The following TBC1D22A variants were observed in gnomAD, a reference collection of about 807,000 sequenced individuals.
TBC1D22A encodes the protein putative GTPase activator.
In TBC1D22A, 38 loss-of-function variants were observed where a neutral mutation model predicts 60.2. The ratio of observed to expected loss-of-function variants is 0.63; its 90% CI spans 0.49 to 0.83. TBC1D22A has a LOEUF of 0.83. Ranked by LOEUF, TBC1D22A falls within the 40% of genes least tolerant of loss-of-function variation. The probability of loss-of-function intolerance (pLI) is 0.00; values close to 1 mark genes in which losing one functional copy is unlikely to be tolerated. For synonymous variants in TBC1D22A, 302 were observed against 281.7 expected, an observed-to-expected ratio of 1.07 and a Z score of -0.72; for missense variants, 628 against 701.0, an observed-to-expected ratio of 0.90 and a Z score of 1.18.
chr22:46,919,601 AC>A (rs1469770772), intron 8 of TBC1D22A, among the ~76,000 whole-genome samples: 1 of 152,102 alleles, frequency 6.6e-6, no homozygotes, highest in Non-Finnish European at 1.5e-5. Flanking sequence ...CCTTTTGAGG[AC>A]CTGCCGGACT....
chr22:46,921,402 C>T (rs1163341246), intron 8 of TBC1D22A, among the ~76,000 whole-genome samples: 1 of 152,192 alleles, frequency 6.6e-6, no homozygotes, highest in African/African-American at 2.4e-5. Context: ...GTCCATGTTG[C>T]TACAAAGGAT....
chr22:47,029,228 T>TG (rs11381626), intron 10 of TBC1D22A, among the ~76,000 whole-genome samples: 571 of 58,762 alleles, frequency 9.7e-3, no homozygotes, highest in African/African-American at 0.038. Context: ...CCCCTTCCCA[T>TG]GGGCCCAGGG....
At chr22:46,986,499 C>T (rs2074729014) in intron 9 of TBC1D22A, among the ~76,000 whole-genome samples, 1 of 151,608 alleles carries the variant, frequency 6.6e-6, no homozygotes, top group Non-Finnish European at 1.5e-5. Flanking sequence ...AGTCTTCTTA[C>T]CCGTGAGCGT....
At chr22:47,115,364 G>A (rs921127771) in intron 12 of TBC1D22A, among the ~76,000 whole-genome samples, 7 of 24,144 alleles carry the variant, frequency 2.9e-4, no homozygotes, top group South Asian at 1.2e-3. Context: ...CCCCACCCCC[G>A]GCTCCACATG....
chr22:47,101,773 G>T (rs1260628881), intron 11 of TBC1D22A, among the ~76,000 whole-genome samples: 1 of 152,188 alleles, frequency 6.6e-6, no homozygotes, highest in Non-Finnish European at 1.5e-5. Context: ...GCCTTGAGGG[G>T]AACTGGGGGC....
chr22:47,080,499 G>C (rs34546965), intron 11 of TBC1D22A, among the ~76,000 whole-genome samples: 2 of 151,794 alleles, frequency 1.3e-5, no homozygotes, highest in African/African-American at 4.8e-5. Flanking sequence ...TAAATAATCC[G>C]CGATTCAAAG....
chr22:47,088,117 A>G (rs1044659056), intron 11 of TBC1D22A, among the ~76,000 whole-genome samples: 8 of 151,978 alleles, frequency 5.3e-5, no homozygotes, highest in African/African-American at 9.6e-5. Context: ...AAAAGATTCA[A>G]TATGAACTGT....
chr22:46,947,772 C>A (rs930220537), intron 8 of TBC1D22A, among the ~76,000 whole-genome samples: 1 of 151,962 alleles, frequency 6.6e-6, no homozygotes, highest in Non-Finnish European at 1.5e-5. Flanking sequence ...GCCCAAGGAA[C>A]CTGGCCAGAG....
chr22:47,087,694 G>A (rs1378195796), intron 11 of TBC1D22A, among the ~76,000 whole-genome samples: 1 of 152,050 alleles, frequency 6.6e-6, no homozygotes, highest in East Asian at 1.9e-4. Flanking sequence ...AATGTTAGAG[G>A]AACCACAAAT....
chr22:46,863,118 T>C (rs1042689475), intron 4 of TBC1D22A, among the ~76,000 whole-genome samples: 1 of 152,124 alleles, frequency 6.6e-6, no homozygotes, highest in African/African-American at 2.4e-5. Context: ...GCACTGGTCA[T>C]GGGTTAGGTA....
chr22:46,859,046 C>T (rs1011770958), intron 4 of TBC1D22A, among the ~76,000 whole-genome samples: 10 of 147,636 alleles, frequency 6.8e-5, no homozygotes, highest in South Asian at 2.1e-4. Flanking sequence ...TGCTGTGCCC[C>T]TTCCCGGGAC....
chr22:47,150,137 G>A (rs1224566535), intron 12 of TBC1D22A, among the ~76,000 whole-genome samples: 1 of 152,132 alleles, frequency 6.6e-6, no homozygotes, highest in African/African-American at 2.4e-5. Context: ...AAAGGATAGC[G>A]AAGGGCCCCA....
At chr22:47,106,698 G>GA (rs60247080) in intron 11 of TBC1D22A, among the ~76,000 whole-genome samples, 7,259 of 149,430 alleles carry the variant, frequency 0.049, 572 homozygotes, top group African/African-American at 0.16. Flanking sequence ...AAATAATGAG[G>GA]AAAAAAAAAG....
chr22:47,113,155 G>A (rs1034284967), intron 12 of TBC1D22A, among the ~76,000 whole-genome samples: 6 of 152,188 alleles, frequency 3.9e-5, no homozygotes, highest in Non-Finnish European at 5.9e-5. Context: ...GGTGCACAGC[G>A]GCCACTCCTG....
intron 11 of TBC1D22A, among the ~76,000 whole-genome samples, chr22:47,077,762 C>T (rs2064286383): frequency 6.6e-6 from 1 of 152,164 alleles, no homozygotes; most frequent in East Asian, 1.9e-4. Flanking sequence ...TGGGCTTAGT[C>T]TGAGGGGTCA....
chr22:47,076,079 C>G (rs78428241), intron 11 of TBC1D22A, among the ~76,000 whole-genome samples: 2,659 of 152,124 alleles, frequency 0.017, 81 homozygotes, highest in African/African-American at 0.062. Context: ...GACAGATTGA[C>G]AAATCTGTAA....
chr22:46,782,478 T>G (rs965159195), intron 1 of TBC1D22A, among the ~76,000 whole-genome samples: 4 of 152,234 alleles, frequency 2.6e-5, no homozygotes, highest in Non-Finnish European at 5.9e-5. Flanking sequence ...CTTTCCTCCC[T>G]TCCATCTTTG....
At chr22:47,164,165 T>C (rs2068104732) in intron 12 of TBC1D22A, among the ~76,000 whole-genome samples, 2 of 152,206 alleles carry the variant, frequency 1.3e-5, no homozygotes, top group South Asian at 4.1e-4. Flanking sequence ...TGAAGCTGCG[T>C]GTCACAGAGG....
chr22:46,984,978 C>T (rs551119540), intron 9 of TBC1D22A, among the ~76,000 whole-genome samples: 2 of 152,324 alleles, frequency 1.3e-5, no homozygotes, highest in Admixed American at 6.5e-5. Context: ...TGGCTTCTTA[C>T]AGTGCTTGCT....
Sources: allele counts gnomAD v4.1 joint callset (sites outside exome capture counted in the v4.1 genomes callset), GRCh38; gene constraint gnomAD v4.1.1; transcripts MANE v1.5; gene names NCBI Gene and HGNC (gene_info 2026-07-23, HGNC 2026-07-21).